Variants in CNST observed in about 807,000 individuals in gnomAD.
CNST encodes the protein consortin, connexin sorting protein.
Under a neutral mutation model 72.4 loss-of-function variants are expected in CNST, and 39 were observed. The observed-to-expected ratio is 0.54, with a 90% CI of 0.42 to 0.70. CNST has a LOEUF of 0.70. Ranked by LOEUF, CNST falls within the 30% of genes least tolerant of loss-of-function variation. The probability of loss-of-function intolerance (pLI) is 0.00; values close to 1 mark genes in which losing one functional copy is unlikely to be tolerated. For missense variants in CNST, 871 were observed against 868.5 expected (o/e 1.00, Z -0.04); for synonymous variants, 332 against 320.1 (o/e 1.04, Z -0.40).
At chr1:246,604,747 C>T (rs1057241099) in intron 2 of CNST, among the ~76,000 whole-genome samples, 2 of 151,514 alleles carry the variant, frequency 1.3e-5, no homozygotes, top group African/African-American at 4.9e-5. Flanking sequence ...CCGCCCACTG[C>T]AACCTCTGCC....
intron 10 of CNST, among the ~76,000 whole-genome samples, chr1:246,662,756 G>A (rs1293518410): frequency 1.3e-5 from 2 of 152,196 alleles, no homozygotes; most frequent in African/African-American, 4.8e-5. Context: ...TGATCTATAT[G>A]AAAAAATTAC....
chr1:246,652,685 C>A (rs548465131), intron 9 of CNST, among the ~76,000 whole-genome samples: 3 of 152,056 alleles, frequency 2.0e-5, no homozygotes, highest in Non-Finnish European at 2.9e-5. Context: ...GGAAGAAGCC[C>A]TGTGTTACTG....
chr1:246,635,757 C>T (rs531774262), intron 6 of CNST, among the ~76,000 whole-genome samples: 40 of 152,252 alleles, frequency 2.6e-4, no homozygotes, highest in African/African-American at 7.9e-4. Context: ...TGTGGGAGTG[C>T]GATAACCCCG....
intron 8 of CNST, among the ~76,000 whole-genome samples, chr1:246,645,316 G>A (rs1185717985): frequency 6.6e-6 from 1 of 150,726 alleles, no homozygotes; most frequent in Non-Finnish European, 1.5e-5. Context: ...AAAAGTATCA[G>A]TAAATAAACA....
At chr1:246,662,632 C>T (rs1427413388) in intron 10 of CNST, among the ~76,000 whole-genome samples, 2 of 152,206 alleles carry the variant, frequency 1.3e-5, no homozygotes, top group African/African-American at 4.8e-5. Context: ...CTCAGGTGAT[C>T]TGCCTGCCTC....
chr1:246,642,720 A>G (rs891603176), intron 8 of CNST, among the ~76,000 whole-genome samples: 1 of 146,194 alleles, frequency 6.8e-6, no homozygotes, highest in African/African-American at 2.6e-5. Context: ...TACTATTAAT[A>G]TATATTTCTA....
At chr1:246,634,402 C>A in intron 5 of CNST, 71 bp from the exon 6 acceptor site, 2 of 821,004 alleles carry the variant, frequency 2.4e-6, no homozygotes, top group South Asian at 1.8e-5. Context: ...TGCTAGTTAA[C>A]TGTTTGTTTG....
At chr1:246,608,534 A>G (rs1663080170) in intron 2 of CNST, among the ~76,000 whole-genome samples, 1 of 152,246 alleles carries the variant, frequency 6.6e-6, no homozygotes, top group South Asian at 2.1e-4. Context: ...GCTAAATCCC[A>G]GAAATATTTA....
chr1:246,643,391 A>G (rs769236196), intron 8 of CNST, among the ~76,000 whole-genome samples: 28 of 152,172 alleles, frequency 1.8e-4, no homozygotes, highest in Non-Finnish European at 2.8e-4. Flanking sequence ...AAATATCACA[A>G]AGCTGCCCAG....
At position 246,621,606 on chromosome 1, in the gene CNST, C is replaced by T. The variant is rs755845052; in HGVS notation, c.557C>T (p.Ser186Leu). The change falls in exon 3 of 11, where the codon TCA becomes TTA. Residue 186 changes from serine (S) to leucine (L), a missense_variant. By Grantham distance (145) the Ser-to-Leu change is moderately radical (BLOSUM62 -2). Coordinates refer to ENST00000366513, the MANE Select transcript of CNST (RefSeq NM_152609.3). The stretch of plus-strand genomic sequence containing the variant: ...CGAGGTGAAGTTGAGCAGTTGGATT[C>T]AAGAGCACTTCCCCTTTGCCTTCAT... ...LIRGEVEQLD[S>L]RALPLCLHQI... is the part of the protein sequence containing the mutation. 2 of 1,614,082 alleles carry T rather than the reference C, an allele frequency of 1.2e-6. No individual in the cohort carries two copies. The highest frequency in any genetic ancestry group is 2.2e-5 in the South Asian group (2 of 91,072).
intron 1 of CNST, among the ~76,000 whole-genome samples, chr1:246,578,586 G>T (rs1174425246): frequency 6.6e-6 from 1 of 152,086 alleles, no homozygotes; most frequent in Non-Finnish European, 1.5e-5. Context: ...CAGGAGAATT[G>T]CTTGAACCCG....
chr1:246,633,341 C>G (rs571200598), intron 4 of CNST, among the ~76,000 whole-genome samples: 11 of 151,980 alleles, frequency 7.2e-5, no homozygotes, highest in African/African-American at 2.7e-4. Context: ...CCCAGCTACT[C>G]TGGAGGCTGA....
At chr1:246,659,377 G>C (rs185095548) in intron 9 of CNST, among the ~76,000 whole-genome samples, 14 of 152,056 alleles carry the variant, frequency 9.2e-5, no homozygotes, top group Non-Finnish European at 1.9e-4. Context: ...GGCAGATCAC[G>C]AGGTCAGGAG....
intron 3 of CNST, among the ~76,000 whole-genome samples, chr1:246,624,542 A>C (rs1042711613): frequency 1.2e-4 from 19 of 152,232 alleles, no homozygotes; most frequent in Admixed American, 7.2e-4. Context: ...AAGTCTGGGG[A>C]TCAGCAAAGA....
chr1:246,638,852 G>A (rs1665485169), intron 6 of CNST, among the ~76,000 whole-genome samples: 1 of 152,182 alleles, frequency 6.6e-6, no homozygotes, highest in African/African-American at 2.4e-5. Flanking sequence ...TCAGGTAAGA[G>A]CATGGCCAGG....
At chr1:246,654,700 G>T (rs979897144) in intron 9 of CNST, among the ~76,000 whole-genome samples, 1 of 152,052 alleles carries the variant, frequency 6.6e-6, no homozygotes, top group African/African-American at 2.4e-5. Flanking sequence ...TTTTTTCTTA[G>T]TTCACTTATA....
intron 10 of CNST, among the ~76,000 whole-genome samples, chr1:246,660,955 A>G (rs1041831254): frequency 3.3e-5 from 5 of 150,630 alleles, no homozygotes; most frequent in African/African-American, 1.2e-4. Context: ...TGAGTCTGCT[A>G]TTTTTGTCTT....
At position 246,634,326 on chromosome 1, in the gene CNST, A is replaced by T. The variant is rs1362386944; in HGVS notation, c.704-147A>T. 5 of 576,664 alleles carry T rather than the reference A, an allele frequency of 8.7e-6. No individual in the cohort carries two copies. In the African/African-American group the frequency reaches 9.4e-5, roughly 11 times the overall value. 35.7% of individuals were successfully genotyped at this position (576,664 alleles called of 1,614,324 possible). On this transcript the variant is annotated intron_variant, in intron 5 of 10. Coordinates refer to ENST00000366513, the MANE Select transcript of CNST (RefSeq NM_152609.3). Reference sequence around the variant, plus strand: ...TATTTACTTATATTGAAAAGTAATAAGTTAGTTATTTCTAACTGTTGGGTT... The same window carrying T: ...TATTTACTTATATTGAAAAGTAATATGTTAGTTATTTCTAACTGTTGGGTT...
At chr1:246,604,214 A>G (rs1662519439) in intron 2 of CNST, among the ~76,000 whole-genome samples, 1 of 151,954 alleles carries the variant, frequency 6.6e-6, no homozygotes, top group African/African-American at 2.4e-5. Flanking sequence ...ATATCGCGCC[A>G]TTGCACTCCA....
Sources: allele counts gnomAD v4.1 joint callset (sites outside exome capture counted in the v4.1 genomes callset), GRCh38; gene constraint gnomAD v4.1.1; transcripts MANE v1.5; gene names NCBI Gene and HGNC (gene_info 2026-07-23, HGNC 2026-07-21).